Variants in GPC5 observed in about 807,000 individuals in gnomAD.
GPC5 encodes the protein glypican-5.
In GPC5, 47 loss-of-function variants were observed where a neutral mutation model predicts 53.9. That is an observed-to-expected ratio of 0.87 (90% CI 0.69 to 1.11). The LOEUF (loss-of-function observed/expected upper bound fraction) is 1.11. Among genes scored for constraint, GPC5 ranks in the 50% most tolerant of loss-of-function variants. The probability of loss-of-function intolerance (pLI) is 0.00; values close to 1 mark genes in which losing one functional copy is unlikely to be tolerated. For synonymous variants in GPC5, 286 were observed against 263.3 expected, an observed-to-expected ratio of 1.09 and a Z score of -0.84; for missense variants, 748 against 713.1, an observed-to-expected ratio of 1.05 and a Z score of -0.56.
At chr13:92,437,415 G>A (rs1409480304) in intron 7 of GPC5, among the ~76,000 whole-genome samples, 4 of 151,858 alleles carry the variant, frequency 2.6e-5, no homozygotes, top group African/African-American at 9.7e-5. Flanking sequence ...CAATTACCCA[G>A]GCAACATCAA....
At chr13:91,514,655 A>G (rs1012584293) in intron 2 of GPC5, among the ~76,000 whole-genome samples, 4 of 152,190 alleles carry the variant, frequency 2.6e-5, no homozygotes, top group African/African-American at 9.6e-5. Flanking sequence ...GTGGAATCCA[A>G]TGTTAATATT....
In GPC5 at chr13:92,489,788, G is replaced by C. The variant is rs141808858; in HGVS notation, c.1561+344799G>C. Among the ~76,000 whole-genome samples, 466 of 152,008 alleles carry C rather than the reference G, an allele frequency of 3.1e-3. 1 individual carries two copies. Among genetic ancestry groups the C allele is most frequent in the African/African-American group, 0.011 (453 of 41,482 alleles). On this transcript the variant is annotated intron_variant, in intron 7 of 7. Coordinates refer to ENST00000377067, the MANE Select transcript of GPC5 (RefSeq NM_004466.6). ...GTAGTTGGAGGTACAGACAGAGCTGGGACTAAGGCTTGATTCACCTATTCA... is the reference window on the plus strand; with the variant it reads ...GTAGTTGGAGGTACAGACAGAGCTGCGACTAAGGCTTGATTCACCTATTCA...
chr13:92,696,762 A>G (rs1287750138), intron 7 of GPC5, among the ~76,000 whole-genome samples: 1 of 152,122 alleles, frequency 6.6e-6, no homozygotes, highest in East Asian at 1.9e-4. Context: ...TTAGTCATGA[A>G]GTCTTTGCCC....
intron 7 of GPC5, among the ~76,000 whole-genome samples, chr13:92,800,320 A>G (rs570398174): frequency 6.6e-6 from 1 of 151,838 alleles, no homozygotes; most frequent in Non-Finnish European, 1.5e-5. Context: ...CCCCTTCTCG[A>G]GACTATGAAG....
At chr13:91,748,817 A>C (rs1038485890) in intron 4 of GPC5, among the ~76,000 whole-genome samples, 1 of 152,070 alleles carries the variant, frequency 6.6e-6, no homozygotes, top group South Asian at 2.1e-4. Context: ...GTTGAGAGTA[A>C]AGTAGGAGGA....
rs751159320 is a variant in GPC5, at chr13:91,556,555, GTA to G, written c.325+107648_325+107649del. On this transcript the variant is annotated intron_variant, in intron 2 of 7. Transcript: ENST00000377067. ...ATATATATAAAATGTGTGTGTGTGT[GTA>G]TATATATATATATACACACACACAG... 1.8e-3 allele frequency among the ~76,000 whole-genome samples: 267 copies of G among 146,356 alleles called. 1 individual carries two copies. The highest frequency in any genetic ancestry group is 4.6e-3 in the African/African-American group (182 of 39,988).
chr13:91,705,513 A>G (rs1400882395), intron 3 of GPC5, among the ~76,000 whole-genome samples: 2 of 152,226 alleles, frequency 1.3e-5, no homozygotes, highest in African/African-American at 2.4e-5. Context: ...TGGAAGCACA[A>G]TATGGATAGT....
chr13:92,432,490 G>A (rs1262611155), intron 7 of GPC5, among the ~76,000 whole-genome samples: 1 of 148,388 alleles, frequency 6.7e-6, no homozygotes, highest in Non-Finnish European at 1.5e-5. Flanking sequence ...TTCAACTCAT[G>A]GTCAAGTGAT....
chr13:92,411,046 C>T (rs1594178703), intron 7 of GPC5, among the ~76,000 whole-genome samples: 2 of 152,202 alleles, frequency 1.3e-5, no homozygotes, highest in South Asian at 4.1e-4. Flanking sequence ...GCCAGTGTGG[C>T]CATCCTACGG....
At chr13:92,263,154 GTTA>G (rs1258997448) in intron 7 of GPC5, among the ~76,000 whole-genome samples, 15 of 151,978 alleles carry the variant, frequency 9.9e-5, no homozygotes, top group Non-Finnish European at 1.5e-4. Context: ...GAATAATAAT[GTTA>G]TTATATTTGT....
intron 7 of GPC5, among the ~76,000 whole-genome samples, chr13:92,458,343 C>T (rs1878353891): frequency 6.6e-6 from 1 of 151,562 alleles, no homozygotes; most frequent in Non-Finnish European, 1.5e-5. Context: ...GCTTTTGTTG[C>T]CCAGGAGTGC....
intron 6 of GPC5, among the ~76,000 whole-genome samples, chr13:92,084,963 T>C (rs1230086934): frequency 6.6e-6 from 1 of 152,202 alleles, no homozygotes; most frequent in Non-Finnish European, 1.5e-5. Flanking sequence ...AGATTTGATA[T>C]CTGGCAAGAG....
At chr13:92,230,733 A>AGGGG (rs2042523930) in intron 7 of GPC5, among the ~76,000 whole-genome samples, 2 of 152,332 alleles carry the variant, frequency 1.3e-5, no homozygotes, top group African/African-American at 4.8e-5. Flanking sequence ...ACTGCCAATT[A>AGGGG]TTCCTTTGAG....
At chr13:92,139,674 A>AG (rs2041815012) in intron 6 of GPC5, among the ~76,000 whole-genome samples, 1 of 137,502 alleles carries the variant, frequency 7.3e-6, no homozygotes, top group Non-Finnish European at 1.6e-5. Flanking sequence ...CTCAAAAAAA[A>AG]AAAAAAAAAA....
intron 7 of GPC5, among the ~76,000 whole-genome samples, chr13:92,416,131 G>A (rs1342706748): frequency 1.3e-5 from 2 of 152,222 alleles, no homozygotes; most frequent in Admixed American, 1.3e-4. Context: ...GAGGCTTTCA[G>A]TAGAGAAGTG....
intron 7 of GPC5, among the ~76,000 whole-genome samples, chr13:92,710,587 G>A (rs555198126): frequency 6.6e-6 from 1 of 152,146 alleles, no homozygotes; most frequent in Non-Finnish European, 1.5e-5. Context: ...TGGATGTTAA[G>A]CAATTAGGGA....
At chr13:92,299,315 T>C (rs1179034323) in intron 7 of GPC5, among the ~76,000 whole-genome samples, 1 of 152,162 alleles carries the variant, frequency 6.6e-6, no homozygotes, top group Non-Finnish European at 1.5e-5. Flanking sequence ...TTTGGAATAA[T>C]GAAAGTCTCT....
intron 7 of GPC5, among the ~76,000 whole-genome samples, chr13:92,294,270 C>A (rs1471765308): frequency 6.6e-6 from 1 of 152,114 alleles, no homozygotes; most frequent in African/African-American, 2.4e-5. Context: ...AGGAGTGGTA[C>A]CAATTCTTCT....
At chr13:91,661,070 A>G (rs1348829630) in intron 2 of GPC5, among the ~76,000 whole-genome samples, 3 of 152,104 alleles carry the variant, frequency 2.0e-5, no homozygotes. Context: ...ACATCCTTGC[A>G]GGGGTAGAAT....
Sources: gnomAD v4.1 joint callset for allele counts (sites outside exome capture counted in the v4.1 genomes callset) on GRCh38, gnomAD v4.1.1 for gene constraint, MANE v1.5 for transcripts, NCBI Gene and HGNC (gene_info 2026-07-23, HGNC 2026-07-21) for gene names.